Variants in AFF3 observed in about 807,000 individuals in gnomAD.
AFF3 encodes ALF transcription elongation factor 3.
AFF3 carries 32 observed loss-of-function variants against 129.7 expected under a neutral mutation model. That is an observed-to-expected ratio of 0.25 (90% CI 0.19 to 0.33). The LOEUF is 0.33. AFF3 is among the 10% of genes least tolerant of loss of function. The pLI, the probability that AFF3 is intolerant of heterozygous loss-of-function variation, is 1.00. For synonymous variants in AFF3, 644 were observed against 635.4 expected (o/e 1.01, Z -0.20); for missense variants, 1,373 against 1,592.0 (o/e 0.86, Z 2.34).
At chr2:99,853,461 T>C (rs1344206065) in intron 7 of AFF3, among the ~76,000 whole-genome samples, 1 of 152,226 alleles carries the variant, frequency 6.6e-6, no homozygotes, top group Non-Finnish European at 1.5e-5. Flanking sequence ...TGACTCTATA[T>C]AAATTGTTGA....
intron 7 of AFF3, among the ~76,000 whole-genome samples, chr2:99,916,527 A>G (rs1384682747): frequency 6.6e-6 from 1 of 152,152 alleles, no homozygotes; most frequent in African/African-American, 2.4e-5. Flanking sequence ...AGAGGCAGAG[A>G]CAGAGAAAGA....
chr2:99,856,654 G>A (rs777904814), intron 7 of AFF3, among the ~76,000 whole-genome samples: 14 of 152,034 alleles, frequency 9.2e-5, no homozygotes, highest in Admixed American at 2.6e-4. Flanking sequence ...GATAAATTAC[G>A]TTTTAAGTTT....
chr2:99,967,252 C>A (rs941333043), intron 7 of AFF3, among the ~76,000 whole-genome samples: 1 of 151,802 alleles, frequency 6.6e-6, no homozygotes, highest in Non-Finnish European at 1.5e-5. Context: ...CTCCCTCCCC[C>A]TCTTCCTCTC....
intron 8 of AFF3, among the ~76,000 whole-genome samples, chr2:99,829,301 T>C (rs916021139): frequency 4.6e-5 from 7 of 152,076 alleles, no homozygotes; most frequent in African/African-American, 1.7e-4. Context: ...CTAATTAAAC[T>C]AAAAAGCTTC....
intron 7 of AFF3, among the ~76,000 whole-genome samples, chr2:99,855,937 C>A (rs1311900570): frequency 6.6e-6 from 1 of 152,126 alleles, no homozygotes; most frequent in Non-Finnish European, 1.5e-5. Context: ...CCTGTGTGGT[C>A]TTCCTCCCTA....
chr2:99,925,158 G>A (rs1696134856), intron 7 of AFF3, among the ~76,000 whole-genome samples: 2 of 152,118 alleles, frequency 1.3e-5, no homozygotes, highest in Non-Finnish European at 2.9e-5. Flanking sequence ...GATTACAGGT[G>A]TGAGCTACCA....
At chr2:99,890,462 C>A (rs1693463238) in intron 7 of AFF3, among the ~76,000 whole-genome samples, 1 of 152,160 alleles carries the variant, frequency 6.6e-6, no homozygotes. Context: ...TACATGCATT[C>A]CCAGCTCATT....
chr2:99,685,725 A>G (rs1674991877), intron 11 of AFF3, among the ~76,000 whole-genome samples: 2 of 152,220 alleles, frequency 1.3e-5, no homozygotes, highest in African/African-American at 4.8e-5. Flanking sequence ...GGGAATGTAC[A>G]CTTCTGAGAT....
intron 7 of AFF3, among the ~76,000 whole-genome samples, chr2:99,885,048 A>G (rs1693003925): frequency 6.6e-6 from 1 of 152,150 alleles, no homozygotes; most frequent in Non-Finnish European, 1.5e-5. Flanking sequence ...TCCACTGTTC[A>G]GTTCTCCAGA....
chr2:100,126,593 T>G (rs1382050665), intron 2 of AFF3, among the ~76,000 whole-genome samples: 2 of 152,192 alleles, frequency 1.3e-5, no homozygotes, highest in Non-Finnish European at 2.9e-5. Context: ...GGCACTTAAC[T>G]TACTCCCAGG....
At chr2:99,694,550 G>T (rs774215814) in intron 11 of AFF3, among the ~76,000 whole-genome samples, 1 of 152,068 alleles carries the variant, frequency 6.6e-6, no homozygotes, top group Non-Finnish European at 1.5e-5. Flanking sequence ...ATTGCTCTCC[G>T]TAAGTCCTTT....
intron 20 of AFF3, among the ~76,000 whole-genome samples, chr2:99,563,480 G>A (rs534935352): frequency 2.8e-4 from 42 of 151,026 alleles, no homozygotes; most frequent in Admixed American, 9.8e-4. Context: ...GTGAGCCACC[G>A]CGCCCAGAAA....
chr2:99,788,395 C>T (rs767238749), intron 8 of AFF3, among the ~76,000 whole-genome samples: 2 of 152,082 alleles, frequency 1.3e-5, no homozygotes, highest in Non-Finnish European at 2.9e-5. Flanking sequence ...GCTGTGATGT[C>T]GATGATCCTG....
intron 1 of AFF3, among the ~76,000 whole-genome samples, chr2:100,136,499 G>A (rs1017635056): frequency 3.3e-5 from 5 of 152,294 alleles, no homozygotes; most frequent in Non-Finnish European, 7.4e-5. Context: ...CACTATGACT[G>A]TCCTCATTCT....
intron 2 of AFF3, among the ~76,000 whole-genome samples, chr2:100,118,422 T>C (rs1691811792): frequency 6.6e-6 from 1 of 152,124 alleles, no homozygotes; most frequent in Non-Finnish European, 1.5e-5. Context: ...TAATTACCAC[T>C]TCCCTGACTG....
At chr2:99,942,547 C>CGGGGGG (rs56988005) in intron 7 of AFF3, among the ~76,000 whole-genome samples, 2 of 59,302 alleles carry the variant, frequency 3.4e-5, no homozygotes, top group African/African-American at 4.6e-5. Context: ...GGGGGAGGGG[C>CGGGGGG]GGGGGGGGGG....
chr2:99,627,209 C>A (rs990887737), intron 13 of AFF3, among the ~76,000 whole-genome samples: 1 of 152,136 alleles, frequency 6.6e-6, no homozygotes, highest in African/African-American at 2.4e-5. Flanking sequence ...GTATAACGTT[C>A]CTTTTTCTCC....
At chr2:99,912,971 C>G (rs984611213) in intron 7 of AFF3, among the ~76,000 whole-genome samples, 1 of 152,182 alleles carries the variant, frequency 6.6e-6, no homozygotes, top group Non-Finnish European at 1.5e-5. Context: ...AAACCTCCAT[C>G]TGCGCCCCAA....
intron 7 of AFF3, among the ~76,000 whole-genome samples, chr2:99,970,913 C>A (rs1678304297): frequency 6.6e-6 from 1 of 152,228 alleles, no homozygotes; most frequent in African/African-American, 2.4e-5. Flanking sequence ...TCTCCATGCT[C>A]ACAAGGCTTG....
Sources: gnomAD v4.1 joint callset for allele counts (sites outside exome capture counted in the v4.1 genomes callset) on GRCh38, gnomAD v4.1.1 for gene constraint, MANE v1.5 for transcripts, NCBI Gene and HGNC (gene_info 2026-07-23, HGNC 2026-07-21) for gene names.